The following TWSG1 variants were observed in gnomAD, a reference collection of about 807,000 sequenced individuals.
TWSG1 encodes the protein twisted gastrulation protein homolog 1.
In TWSG1, 15 loss-of-function variants were observed where a neutral mutation model predicts 23.0. The observed-to-expected ratio is 0.65, with a 90% CI of 0.44 to 1.00. The LOEUF (loss-of-function observed/expected upper bound fraction) is 1.00, where lower values mean the gene tolerates loss of function less well. Among genes scored for constraint, TWSG1 ranks in the 50% least tolerant of loss-of-function variants. The pLI is 0.00. For synonymous variants in TWSG1, 86 were observed against 92.8 expected, an observed-to-expected ratio of 0.93 and a Z score of 0.42; for missense variants, 242 against 278.7, an observed-to-expected ratio of 0.87 and a Z score of 0.94.
chr18:9,345,751 A>G (rs918781635), intron 2 of TWSG1, among the ~76,000 whole-genome samples: 1 of 152,286 alleles, frequency 6.6e-6, no homozygotes, highest in East Asian at 1.9e-4. Flanking sequence ...GCATTTTCAT[A>G]TGAATTTTAG....
intron 3 of TWSG1, among the ~76,000 whole-genome samples, chr18:9,362,224 T>C (rs1414688429): frequency 2.6e-5 from 4 of 152,200 alleles, no homozygotes; most frequent in Non-Finnish European, 5.9e-5. Context: ...AGATTTTTTT[T>C]TGAGACAGGG....
intron 3 of TWSG1, among the ~76,000 whole-genome samples, chr18:9,363,387 G>A (rs558419142): frequency 8.3e-4 from 125 of 151,440 alleles, no homozygotes; most frequent in African/African-American, 2.8e-3. Flanking sequence ...ACAGTGATAC[G>A]TACTACCTGT....
intron 3 of TWSG1, among the ~76,000 whole-genome samples, chr18:9,379,583 A>T (rs371365736): frequency 7.7e-4 from 118 of 152,296 alleles, no homozygotes; most frequent in African/African-American, 2.7e-3. Flanking sequence ...TATTCAGGTG[A>T]TGAAATAACC....
At chr18:9,363,826 C>G (rs146968301) in intron 3 of TWSG1, among the ~76,000 whole-genome samples, 1 of 151,998 alleles carries the variant, frequency 6.6e-6, no homozygotes, top group South Asian at 2.1e-4. Context: ...TGGGGTTTCA[C>G]CATGTTGGCC....
intron 4 of TWSG1, among the ~76,000 whole-genome samples, chr18:9,399,007 CAA>C (rs879700117): frequency 7.3e-6 from 1 of 136,614 alleles, no homozygotes; most frequent in Admixed American, 7.4e-5. Context: ...GACTCCATCT[CAA>C]AAAAAAAAAG....
At chr18:9,368,862 C>G (rs968461265) in intron 3 of TWSG1, among the ~76,000 whole-genome samples, 2 of 151,916 alleles carry the variant, frequency 1.3e-5, no homozygotes, top group African/African-American at 2.4e-5. Context: ...GCAGGAGAAT[C>G]GCTTGAGCCT....
At chr18:9,358,095 A>C (rs2040535350) in intron 2 of TWSG1, among the ~76,000 whole-genome samples, 1 of 152,186 alleles carries the variant, frequency 6.6e-6, no homozygotes, top group African/African-American at 2.4e-5. Flanking sequence ...TGATAATAGT[A>C]TCTCTAAGAA....
chr18:9,377,600 C>G (rs1337480314), intron 3 of TWSG1, among the ~76,000 whole-genome samples: 1 of 152,130 alleles, frequency 6.6e-6, no homozygotes, highest in Non-Finnish European at 1.5e-5. Context: ...AAACCTGTTT[C>G]ACAAAAATTA....
chr18:9,382,904 A>G (rs1056468840), intron 3 of TWSG1, among the ~76,000 whole-genome samples: 6 of 152,110 alleles, frequency 3.9e-5, no homozygotes, highest in South Asian at 2.1e-4. Flanking sequence ...GCTCTCCCCA[A>G]CAAACTCTCA....
At chr18:9,369,113 AAAC>A (rs2040592748) in intron 3 of TWSG1, among the ~76,000 whole-genome samples, 1 of 97,648 alleles carries the variant, frequency 1.0e-5, no homozygotes, top group Admixed American at 1.3e-4. Context: ...GTCTCAAAAC[AAAC>A]AAACAAACAA....
In TWSG1 at chr18:9,345,765, C is replaced by A. The variant is rs371688046; in HGVS notation, c.123+8413C>A. On this transcript the variant is annotated intron_variant, in intron 2 of 4. Coordinates refer to ENST00000262120, the MANE Select transcript of TWSG1 (RefSeq NM_020648.6). ...TGCATTTTCATATGAATTTTAGAAT[C>A]AACTTGTCAATTTCTGTAATAAAGC... 9.2e-5 allele frequency among the ~76,000 whole-genome samples: 14 copies of A among 152,168 alleles called. No individual in the cohort carries two copies. The East Asian group carries it at 2.3e-3, about 25-fold the overall frequency.
At chr18:9,350,589 T>C (rs971846135) in intron 2 of TWSG1, among the ~76,000 whole-genome samples, 5 of 152,218 alleles carry the variant, frequency 3.3e-5, no homozygotes, top group African/African-American at 9.6e-5. Flanking sequence ...AGCATCTAAA[T>C]GTTTGTTACT....
At chr18:9,369,449 A>T (rs1043936154) in intron 3 of TWSG1, among the ~76,000 whole-genome samples, 1 of 152,032 alleles carries the variant, frequency 6.6e-6, no homozygotes, top group Non-Finnish European at 1.5e-5. Context: ...TTGTATTTTT[A>T]GTAGAGATGG....
intron 3 of TWSG1, among the ~76,000 whole-genome samples, chr18:9,362,455 G>A (rs2040556873): frequency 6.6e-6 from 1 of 152,194 alleles, no homozygotes; most frequent in South Asian, 2.1e-4. Flanking sequence ...TGATCCACCC[G>A]CCTCAGCCTC....
At chr18:9,368,912 C>T (rs1284704774) in intron 3 of TWSG1, among the ~76,000 whole-genome samples, 1 of 151,926 alleles carries the variant, frequency 6.6e-6, no homozygotes, top group Admixed American at 6.6e-5. Context: ...CATGCAACTG[C>T]ACTCCAGCCT....
chr18:9,392,146 G>T (rs545735074), intron 3 of TWSG1, among the ~76,000 whole-genome samples: 1 of 152,298 alleles, frequency 6.6e-6, no homozygotes, highest in African/African-American at 2.4e-5. Flanking sequence ...CCTGTTCTTT[G>T]AAGCTTTTGA....
intron 3 of TWSG1, among the ~76,000 whole-genome samples, chr18:9,370,466 A>G (rs2040599956): frequency 6.6e-6 from 1 of 152,212 alleles, no homozygotes; most frequent in Non-Finnish European, 1.5e-5. Flanking sequence ...ATATACCAGA[A>G]TTGGTATGCC....
intron 3 of TWSG1, among the ~76,000 whole-genome samples, chr18:9,368,793 C>G (rs2040591412): frequency 6.6e-6 from 1 of 151,966 alleles, no homozygotes; most frequent in Admixed American, 6.6e-5. Flanking sequence ...ACTAAAAATA[C>G]AAAAATTAGC....
At chr18:9,377,999 G>A (rs993048757) in intron 3 of TWSG1, among the ~76,000 whole-genome samples, 10 of 152,376 alleles carry the variant, frequency 6.6e-5, no homozygotes, top group African/African-American at 2.4e-4. Flanking sequence ...GATTACAGGC[G>A]TGAGCCTGGC....
Sources: allele counts gnomAD v4.1 joint callset (sites outside exome capture counted in the v4.1 genomes callset), GRCh38; gene constraint gnomAD v4.1.1; transcripts MANE v1.5; gene names NCBI Gene and HGNC (gene_info 2026-07-23, HGNC 2026-07-21).